Variants in SGCD observed in about 807,000 individuals in gnomAD.
The protein encoded by SGCD is delta-sarcoglycan.
SGCD carries 18 observed loss-of-function variants against 36.6 expected under a neutral mutation model. That is an observed-to-expected ratio of 0.49 (90% CI 0.34 to 0.73). The LOEUF is 0.73. Among genes scored for constraint, SGCD ranks in the 30% least tolerant of loss-of-function variants. The pLI, the probability that SGCD is intolerant of heterozygous loss-of-function variation, is 0.01. For synonymous variants in SGCD, 133 were observed against 130.6 expected (o/e 1.02, Z -0.12); for missense variants, 387 against 346.7 (o/e 1.12, Z -0.92).
At chr5:156,103,983 G>A (rs1761583347) in intron 1 of SGCD, among the ~76,000 whole-genome samples, 1 of 151,922 alleles carries the variant, frequency 6.6e-6, no homozygotes, top group Admixed American at 6.6e-5. Flanking sequence ...TTAATATTTT[G>A]TTTTTTCCTA....
intron 7 of SGCD, among the ~76,000 whole-genome samples, chr5:156,749,359 CA>C (rs1329328396): frequency 6.6e-6 from 1 of 151,908 alleles, no homozygotes; most frequent in Non-Finnish European, 1.5e-5. Flanking sequence ...CAAAAATTAA[CA>C]AAACAGCACA....
chr5:155,955,644 G>A (rs1048911421), intron 1 of SGCD, among the ~76,000 whole-genome samples: 7 of 152,166 alleles, frequency 4.6e-5, no homozygotes, highest in African/African-American at 9.6e-5. Context: ...TTTCTGTTGC[G>A]TGTTTGTGTG....
At chr5:156,232,052 C>A (rs1765032845) in intron 3 of SGCD, among the ~76,000 whole-genome samples, 1 of 152,090 alleles carries the variant, frequency 6.6e-6, no homozygotes, top group Non-Finnish European at 1.5e-5. Flanking sequence ...CCAACCCTGA[C>A]TAATAACAGT....
chr5:156,460,260 T>A (rs925449656), intron 3 of SGCD, among the ~76,000 whole-genome samples: 1 of 152,128 alleles, frequency 6.6e-6, no homozygotes, highest in Non-Finnish European at 1.5e-5. Context: ...AACTGAACAA[T>A]GATTTATTTG....
intron 7 of SGCD, among the ~76,000 whole-genome samples, chr5:156,699,031 C>G (rs567065099): frequency 1.3e-5 from 2 of 152,132 alleles, no homozygotes; most frequent in Non-Finnish European, 2.9e-5. Context: ...GCTACCATGA[C>G]TGTTAAAGTC....
intron 3 of SGCD, among the ~76,000 whole-genome samples, chr5:156,418,754 A>T (rs1184220978): frequency 6.6e-6 from 1 of 152,200 alleles, no homozygotes; most frequent in Non-Finnish European, 1.5e-5. Flanking sequence ...TATCTGCTGC[A>T]GTCTCCAGTG....
intron 3 of SGCD, among the ~76,000 whole-genome samples, chr5:156,394,352 C>T (rs1771743725): frequency 1.3e-5 from 2 of 152,098 alleles, no homozygotes; most frequent in Non-Finnish European, 2.9e-5. Context: ...GCTCCAATAA[C>T]TGAAGAAGGG....
intron 1 of SGCD, among the ~76,000 whole-genome samples, chr5:155,951,384 G>A (rs907874734): frequency 6.6e-6 from 1 of 151,988 alleles, no homozygotes; most frequent in African/African-American, 2.4e-5. Flanking sequence ...CAATGATGTG[G>A]TTAAATCTCA....
intron 1 of SGCD, among the ~76,000 whole-genome samples, chr5:156,090,545 A>G (rs1761214639): frequency 6.6e-6 from 1 of 152,222 alleles, no homozygotes. Flanking sequence ...AGGCAAGGGC[A>G]AAATTAGAAT....
chr5:156,558,132 C>T (rs1027886340), intron 4 of SGCD, among the ~76,000 whole-genome samples: 5 of 92,422 alleles, frequency 5.4e-5, no homozygotes, highest in African/African-American at 2.2e-4. Flanking sequence ...TATTATTTAA[C>T]TCTCTTTTAA....
rs1759129304 is a variant in SGCD at position 156,022,536 on chromosome 5, T to C, written c.-281-95342T>C. Among the ~76,000 whole-genome samples, 3 of 152,190 alleles carry C rather than the reference T, an allele frequency of 2.0e-5. 1 individual carries two copies. In the South Asian group the frequency reaches 6.2e-4, roughly 32 times the overall value. ...GCAACATTATCAGAGCATGAAAACA[T>C]AACACATTTTATAACTTCAATTATA... On this transcript the variant is annotated intron_variant, in intron 1 of 9. Transcript: ENST00000517913.
chr5:156,580,242 C>G (rs1022080910), intron 4 of SGCD, among the ~76,000 whole-genome samples: 1 of 152,200 alleles, frequency 6.6e-6, no homozygotes, highest in African/African-American at 2.4e-5. Flanking sequence ...AATATTGTCC[C>G]CCACTCTCTA....
At chr5:156,079,251 C>A (rs2127591066) in intron 1 of SGCD, among the ~76,000 whole-genome samples, 1 of 152,174 alleles carries the variant, frequency 6.6e-6, no homozygotes, top group Non-Finnish European at 1.5e-5. Context: ...GAGGGATCTG[C>A]CCCGCATGAC....
chr5:155,857,956 T>A, the SGCD span, among the ~76,000 whole-genome samples: 1 of 152,192 alleles, frequency 6.6e-6, no homozygotes, highest in African/African-American at 2.4e-5. Context: ...TGTCTGTTCT[T>A]TGTTATTCTT....
chr5:155,916,063 A>T (rs368864295), intron 1 of SGCD, among the ~76,000 whole-genome samples: 13 of 152,336 alleles, frequency 8.5e-5, no homozygotes, highest in African/African-American at 3.1e-4. Context: ...CGGAGGCCAT[A>T]TGTTCATTGT....
chr5:156,090,640 G>A (rs973544751), intron 1 of SGCD, among the ~76,000 whole-genome samples: 2 of 152,056 alleles, frequency 1.3e-5, no homozygotes, highest in Non-Finnish European at 2.9e-5. Context: ...GCAGACAACC[G>A]GTCTGACTAG....
chr5:155,825,774 G>A, the SGCD span, among the ~76,000 whole-genome samples: 2 of 150,262 alleles, frequency 1.3e-5, no homozygotes, highest in Non-Finnish European at 3.0e-5. Context: ...TTTGAGACAG[G>A]GTCTCACTCT....
chr5:156,491,449 C>T (rs763091817), intron 3 of SGCD, among the ~76,000 whole-genome samples: 7 of 152,080 alleles, frequency 4.6e-5, no homozygotes, highest in Non-Finnish European at 7.4e-5. Flanking sequence ...TACTACAAAG[C>T]TGTAATAACC....
chr5:156,567,377 A>AATAG (rs35083006), intron 4 of SGCD, among the ~76,000 whole-genome samples: 5,176 of 131,698 alleles, frequency 0.039, 136 homozygotes, highest in East Asian at 0.074. Flanking sequence ...TGGATAGATA[A>AATAG]ATAGATAGAT....
Sources: allele counts gnomAD v4.1 joint callset (sites outside exome capture counted in the v4.1 genomes callset), GRCh38; gene constraint gnomAD v4.1.1; transcripts MANE v1.5; gene names NCBI Gene and HGNC (gene_info 2026-07-23, HGNC 2026-07-21).